MGAT4C: variants seen among roughly 807,000 people sequenced by gnomAD.
The protein encoded by MGAT4C is MGAT4 family member C.
Under a neutral mutation model 40.1 loss-of-function variants are expected in MGAT4C, and 19 were observed. The ratio of observed to expected loss-of-function variants is 0.47; its 90% CI spans 0.33 to 0.70. The LOEUF (loss-of-function observed/expected upper bound fraction) is 0.70. Among genes scored for constraint, MGAT4C ranks in the 30% least tolerant of loss-of-function variants. The pLI is 0.02. For missense variants in MGAT4C, 491 were observed against 563.2 expected, an observed-to-expected ratio of 0.87 and a Z score of 1.30; for synonymous variants, 181 against 187.1, an observed-to-expected ratio of 0.97 and a Z score of 0.27.
At position 86,606,412 on chromosome 12, in the gene MGAT4C, C is replaced by T. The variant is rs574074734; in HGVS notation, c.-229+120797G>A. Reference sequence around the variant, plus strand: ...TTTGCTTTCATATCCTCTTAAATGCCATCTGGCATGCAAATATGTAAAATA... The same window carrying T: ...TTTGCTTTCATATCCTCTTAAATGCTATCTGGCATGCAAATATGTAAAATA... On this transcript the variant is annotated intron_variant, in intron 2 of 7. Transcript: ENST00000548651. Among the ~76,000 whole-genome samples, 8 of 152,132 alleles carry T rather than the reference C, an allele frequency of 5.3e-5. No individual in the cohort carries two copies. In the East Asian group the frequency reaches 1.5e-3, roughly 29 times the overall value.
chr12:86,223,734 C>T (rs1293482862), intron 1 of MGAT4C, among the ~76,000 whole-genome samples: 1 of 152,200 alleles, frequency 6.6e-6, no homozygotes, highest in Non-Finnish European at 1.5e-5. Flanking sequence ...CCAGCCCATT[C>T]TAGCCCTGTT....
intron 2 of MGAT4C, among the ~76,000 whole-genome samples, chr12:86,012,931 G>C (rs1160275906): frequency 6.6e-6 from 1 of 151,348 alleles, no homozygotes; most frequent in East Asian, 2.0e-4. Flanking sequence ...TGCGACCAGG[G>C]TGGGCAACGT....
intron 1 of MGAT4C, among the ~76,000 whole-genome samples, chr12:86,755,555 T>G (rs1270705399): frequency 6.6e-6 from 1 of 151,982 alleles, no homozygotes; most frequent in Non-Finnish European, 1.5e-5. Context: ...TTCTTTTCTT[T>G]TCTCTTTTTC....
At chr12:86,356,289 C>G (rs1955308221) in intron 3 of MGAT4C, among the ~76,000 whole-genome samples, 1 of 152,150 alleles carries the variant, frequency 6.6e-6, no homozygotes, top group African/African-American at 2.4e-5. Flanking sequence ...AATCACAAAA[C>G]AGTAAATTTA....
At chr12:86,834,293 A>G (rs1952994140) in intron 1 of MGAT4C, among the ~76,000 whole-genome samples, 1 of 151,816 alleles carries the variant, frequency 6.6e-6, no homozygotes, top group South Asian at 2.1e-4. Context: ...AAGCCAAACC[A>G]TTTAATTCTA....
At chr12:86,530,270 A>T (rs1174578930) in intron 2 of MGAT4C, among the ~76,000 whole-genome samples, 2 of 151,790 alleles carry the variant, frequency 1.3e-5, no homozygotes, top group Non-Finnish European at 2.9e-5. Flanking sequence ...ACTTTTACCT[A>T]ATTCTCCAGA....
At chr12:86,055,438 A>G (rs897853235) in intron 1 of MGAT4C, among the ~76,000 whole-genome samples, 4 of 152,100 alleles carry the variant, frequency 2.6e-5, no homozygotes, top group Non-Finnish European at 2.9e-5. Context: ...GACATTCCTG[A>G]TAATGAGAAC....
intron 1 of MGAT4C, among the ~76,000 whole-genome samples, chr12:86,116,770 C>T (rs1878498873): frequency 1.3e-5 from 2 of 151,992 alleles, no homozygotes; most frequent in Non-Finnish European, 2.9e-5. Flanking sequence ...AGAAATCTCT[C>T]CAGAGGTAAT....
At chr12:86,694,273 T>G (rs1292767841) in intron 2 of MGAT4C, among the ~76,000 whole-genome samples, 2 of 152,200 alleles carry the variant, frequency 1.3e-5, no homozygotes, top group East Asian at 1.9e-4. Flanking sequence ...TATTGTACTT[T>G]CTGTAAATGG....
intron 1 of MGAT4C, among the ~76,000 whole-genome samples, chr12:86,804,453 GA>G (rs199797186): frequency 0.061 from 9,105 of 149,838 alleles, 354 homozygotes; most frequent in Non-Finnish European, 0.087. Context: ...AATAAAGAAA[GA>G]AAGAAGAAAA....
chr12:86,546,518 C>A (rs930773726), intron 2 of MGAT4C, among the ~76,000 whole-genome samples: 1 of 151,902 alleles, frequency 6.6e-6, no homozygotes, highest in Non-Finnish European at 1.5e-5. Context: ...CTCCAAACAT[C>A]TTTAAATTCA....
chr12:86,288,103 A>C (rs1384976620), intron 4 of MGAT4C, among the ~76,000 whole-genome samples: 1 of 152,212 alleles, frequency 6.6e-6, no homozygotes, highest in African/African-American at 2.4e-5. Flanking sequence ...ATGACCAGTG[A>C]TGATGAGCTT....
chr12:86,019,623 G>C (rs546699629), intron 2 of MGAT4C, among the ~76,000 whole-genome samples: 2 of 152,122 alleles, frequency 1.3e-5, no homozygotes, highest in Admixed American at 6.6e-5. Flanking sequence ...GTCAGGTAGC[G>C]TGATGCCTCC....
intron 3 of MGAT4C, among the ~76,000 whole-genome samples, chr12:86,387,741 A>G (rs1372579707): frequency 1.3e-5 from 2 of 152,172 alleles, no homozygotes; most frequent in Non-Finnish European, 2.9e-5. Flanking sequence ...CCTAAAGATT[A>G]TAGCTGAGCA....
chr12:86,164,139 A>C (rs1885923394), intron 1 of MGAT4C, among the ~76,000 whole-genome samples: 2 of 152,116 alleles, frequency 1.3e-5, no homozygotes, highest in Non-Finnish European at 1.5e-5. Context: ...ACAAAAACAG[A>C]AGGTTTATAG....
At chr12:85,999,054 G>C (rs1379034949) in intron 2 of MGAT4C, among the ~76,000 whole-genome samples, 1 of 152,078 alleles carries the variant, frequency 6.6e-6, no homozygotes, top group Non-Finnish European at 1.5e-5. Flanking sequence ...CATGGTGGAA[G>C]GCAAGAAAGA....
At chr12:86,296,371 G>GAGCTGCCTCCCAGTCCCGTGCC (rs1555264277) in intron 4 of MGAT4C, among the ~76,000 whole-genome samples, 1 of 151,074 alleles carries the variant, frequency 6.6e-6, no homozygotes, top group Non-Finnish European at 1.5e-5. Flanking sequence ...GCTGCAGGTG[G>GAGCTGCCTCCCAGTCCCGTGCC]AGCTGCCTGC....
At chr12:86,159,087 G>C (rs1399641144) in intron 1 of MGAT4C, among the ~76,000 whole-genome samples, 1 of 152,126 alleles carries the variant, frequency 6.6e-6, no homozygotes, top group Non-Finnish European at 1.5e-5. Context: ...GAAGTGGTGA[G>C]AGTAGGCATC....
At chr12:86,236,266 C>CT (rs1951539285) in intron 1 of MGAT4C, among the ~76,000 whole-genome samples, 2 of 152,072 alleles carry the variant, frequency 1.3e-5, no homozygotes, top group Non-Finnish European at 2.9e-5. Context: ...GGCCTGGATT[C>CT]TTTTCAGCAC....
Sources: allele counts gnomAD v4.1 joint callset (sites outside exome capture counted in the v4.1 genomes callset), GRCh38; gene constraint gnomAD v4.1.1; transcripts MANE v1.5; gene names NCBI Gene and HGNC (gene_info 2026-07-23, HGNC 2026-07-21).